PRDM6: variants seen among roughly 807,000 people sequenced by gnomAD.
PRDM6 encodes the protein putative histone-lysine N-methyltransferase PRDM6.
Under a neutral mutation model 60.8 loss-of-function variants are expected in PRDM6, and 25 were observed. The observed-to-expected ratio is 0.41, with a 90% CI of 0.30 to 0.57. PRDM6 has a LOEUF of 0.57. Ranked by LOEUF, PRDM6 falls within the 20% of genes least tolerant of loss-of-function variation. The probability of loss-of-function intolerance (pLI) is 0.27; values close to 1 mark genes in which losing one functional copy is unlikely to be tolerated. For synonymous variants in PRDM6, 407 were observed against 357.4 expected (o/e 1.14, Z -1.57); for missense variants, 839 against 821.3 (o/e 1.02, Z -0.26).
At position 123,099,605 on chromosome 5, in the gene PRDM6, C is replaced by A; in HGVS notation, c.593-49C>A. 1.4e-6 allele frequency: 2 copies of A among 1,410,126 alleles called. No homozygotes were observed. Among genetic ancestry groups the A allele is most frequent in the Non-Finnish European group, 1.9e-6 (2 of 1,077,390 alleles). 87.4% of individuals were successfully genotyped at this position (1,410,126 alleles called of 1,614,324 possible). ...TTACTCAAAGATGGGCCGCTCGGGG[C>A]GGCCGGATTAACCCGCTCCCTTCCC... On this transcript the variant is annotated intron_variant, in intron 2 of 7. Transcript: ENST00000407847. This position sits in a 1 kb window ranked among gnomAD's most constrained non-coding sequence, Gnocchi z 4.0.
At chr5:123,149,633 T>C (rs1344169260) in intron 3 of PRDM6, among the ~76,000 whole-genome samples, 1 of 152,214 alleles carries the variant, frequency 6.6e-6, no homozygotes, top group Non-Finnish European at 1.5e-5. Context: ...TGATTAACTT[T>C]AGGAAAGTGT....
At chr5:123,128,333 G>A (rs538170571) in intron 3 of PRDM6, among the ~76,000 whole-genome samples, 3 of 152,202 alleles carry the variant, frequency 2.0e-5, no homozygotes, top group Non-Finnish European at 2.9e-5. Context: ...AGATCCTTGA[G>A]GAATCGCCTC....
At chr5:123,138,731 G>A (rs1451218157) in intron 3 of PRDM6, among the ~76,000 whole-genome samples, 1 of 152,156 alleles carries the variant, frequency 6.6e-6, no homozygotes, top group East Asian at 1.9e-4. Context: ...CAAGTGTTTG[G>A]TTTTGTTTCA....
chr5:123,124,590 G>A (rs898013930), intron 3 of PRDM6, among the ~76,000 whole-genome samples: 2 of 152,184 alleles, frequency 1.3e-5, no homozygotes, highest in Non-Finnish European at 2.9e-5. Context: ...AAACTTTGCT[G>A]TTTTTGGCAA....
At chr5:123,143,602 C>T (rs898412739) in intron 3 of PRDM6, among the ~76,000 whole-genome samples, 1 of 152,110 alleles carries the variant, frequency 6.6e-6, no homozygotes, top group Non-Finnish European at 1.5e-5. Flanking sequence ...TCCAGAAACA[C>T]AGGGCGTCTC....
chr5:123,090,322 C>T lies in PRDM6; in HGVS notation c.308C>T (p.Ala103Val). The change falls in exon 2 of 8, where the codon GCC (alanine) becomes GTC (valine). Residue 103 changes from alanine to valine, a missense_variant. Ala to Val is a moderately conservative substitution (Grantham distance 64). Coordinates refer to ENST00000407847, the MANE Select transcript of PRDM6 (RefSeq NM_001136239.4). ...TCCTGCGCTGCTGCGGCCGCTGCCG[C>T]CGCGCTGGCTGGTCTCTCGGCCCTG... The part of the protein sequence containing the change: ...ASSCAAAAAA[A>V]ALAGLSALPV... 6.8e-7 allele frequency: 1 copy of T among 1,480,186 alleles called. No homozygotes were observed. Among genetic ancestry groups the T allele is most frequent in the Non-Finnish European group, 8.9e-7 (1 of 1,118,118 alleles). The allele number at this position is 1,480,186 out of a possible 1,614,324, so 91.7% of individuals were successfully genotyped here.
intron 3 of PRDM6, among the ~76,000 whole-genome samples, chr5:123,126,885 T>G (rs971365537): frequency 4.6e-5 from 7 of 152,170 alleles, no homozygotes; most frequent in Non-Finnish European, 4.4e-5. Flanking sequence ...CCTTTTATGT[T>G]TTATAACGTG....
Position 123,090,380 on chromosome 5 carries a change from AGCCGCCGCT to A in PRDM6, c.371_379del (p.Ala124_Ala126del). The A allele has an allele frequency of 6.8e-7, 1 of 1,466,362 alleles. No individual in the cohort carries two copies. 90.8% of individuals were successfully genotyped at this position (1,466,362 alleles called of 1,614,324 possible). On this transcript the variant is annotated inframe_deletion, in exon 2 of 8. Coordinates refer to ENST00000407847, the MANE Select transcript of PRDM6 (RefSeq NM_001136239.4). ...CGCAGCTGCCGGTGTTCGCGCCTCT[AGCCGCCGCT>A]GCCGTCGCCGCCGAGCCGCTGCCCC...
chr5:123,153,327 G>T (rs335141), intron 3 of PRDM6, among the ~76,000 whole-genome samples: 25,298 of 151,980 alleles, frequency 0.17, 2,279 homozygotes, highest in Non-Finnish European at 0.21. Flanking sequence ...GGCTAAAATG[G>T]TTAACAGTGG....
intron 2 of PRDM6, among the ~76,000 whole-genome samples, chr5:123,093,299 C>A (rs1304721545): frequency 1.3e-5 from 2 of 152,136 alleles, no homozygotes; most frequent in African/African-American, 4.8e-5. Flanking sequence ...TCTCCCTTCC[C>A]TTTAGCAAAG....
chr5:123,187,080 C>A lies in PRDM6; in HGVS notation c.1674-7C>A. The A allele has an allele frequency of 6.5e-7, 1 of 1,549,980 alleles. No homozygotes were observed. The highest frequency in any genetic ancestry group is 8.7e-7 in the Non-Finnish European group (1 of 1,145,622). On this transcript the variant is annotated splice_polypyrimidine_tract_variant and splice_region_variant and intron_variant, in intron 7 of 7. Transcript: ENST00000407847. ...CTGGTCTCAATTTTCTCTCTTGCCT[C>A]CACCAGGTGCGAGAGGTGTGAGAGG... is the stretch of plus-strand genomic sequence containing the variant.
intron 7 of PRDM6, among the ~76,000 whole-genome samples, chr5:123,185,127 A>T (rs1309552735): frequency 6.6e-6 from 1 of 152,200 alleles, no homozygotes; most frequent in African/African-American, 2.4e-5. Flanking sequence ...TCCAATCTGG[A>T]TGTTAAAATA....
chr5:123,119,455 C>T (rs1429947457), intron 3 of PRDM6, among the ~76,000 whole-genome samples: 1 of 152,188 alleles, frequency 6.6e-6, no homozygotes, highest in Admixed American at 6.5e-5. Context: ...GGCTTACAGT[C>T]CTGCCACCTT....
At chr5:123,128,957 G>A (rs542126339) in intron 3 of PRDM6, among the ~76,000 whole-genome samples, 1 of 152,252 alleles carries the variant, frequency 6.6e-6, no homozygotes, top group South Asian at 2.1e-4. Flanking sequence ...GTAAGGAAGG[G>A]ATCCAGTTTC....
At chr5:123,100,111 T>C (rs1413069039) in intron 3 of PRDM6, 150 bp downstream of exon 3, 2 of 877,842 alleles carry the variant, frequency 2.3e-6, no homozygotes, top group Non-Finnish European at 3.4e-6. Context: ...TAGATTTCTC[T>C]GGTCCTGTAG....
intron 3 of PRDM6, among the ~76,000 whole-genome samples, chr5:123,149,639 A>G (rs1765329855): frequency 6.6e-6 from 1 of 152,232 alleles, no homozygotes; most frequent in South Asian, 2.1e-4. Flanking sequence ...ACTTTAGGAA[A>G]GTGTGGAGTT....
chr5:123,110,568 C>CTTT (rs974674301), intron 3 of PRDM6, among the ~76,000 whole-genome samples: 3 of 116,922 alleles, frequency 2.6e-5, no homozygotes, highest in Non-Finnish European at 1.7e-5. Flanking sequence ...TTTTTTTTTT[C>CTTT]TTTTTTTTTT....
At position 123,194,249 on chromosome 5, in the gene PRDM6, G is replaced by A. The variant is rs550327181; in HGVS notation, c.*7048G>A. ...TGTAAATATATTTGATTAATAAAAC[G>A]TTTTTATGATGACTCGATCTTCCCT... On this transcript the variant is annotated 3_prime_UTR_variant, in exon 8 of 8. Transcript: ENST00000407847. The A allele has an allele frequency of 1.3e-5, 2 of 152,176 alleles. No individual in the cohort carries two copies. Among genetic ancestry groups the A allele is most frequent in the African/African-American group, 4.8e-5 (2 of 41,526 alleles). The allele number at this position is 152,176 out of a possible 1,614,324, so 9.4% of individuals were successfully genotyped here.
At position 123,090,276 on chromosome 5, in the gene PRDM6, A is replaced by ACCTCCGCCG; in HGVS notation, c.270_271insGCCTCCGCC (p.Ala90_Ser91insAlaSerAla). On this transcript the variant is annotated inframe_insertion, in exon 2 of 8. Transcript: ENST00000407847. ...CTCGTCCACGCCGGCTTCCTCTTCC[A>ACCTCCGCCG]CCTCCGCCTCCTCCGCCTCCTCCTG... 2.7e-6 allele frequency: 4 copies of ACCTCCGCCG among 1,481,676 alleles called. No homozygotes were observed. In the South Asian group the frequency reaches 3.8e-5, roughly 14 times the overall value. The allele number at this position is 1,481,676 out of a possible 1,614,324, so 91.8% of individuals were successfully genotyped here. A position where few individuals can be genotyped will look rare whatever the true frequency, so the allele number is the denominator to read the frequency against.
Sources: gnomAD v4.1 joint callset for allele counts (sites outside exome capture counted in the v4.1 genomes callset) on GRCh38, gnomAD v4.1.1 for gene constraint, Gnocchi (gnomAD v3.1) non-coding constraint, MANE v1.5 for transcripts, NCBI Gene and HGNC (gene_info 2026-07-23, HGNC 2026-07-21) for gene names.